The following MINK1 variants were observed in gnomAD, a reference collection of about 807,000 sequenced individuals.
MINK1 encodes misshapen-like kinase 1.
MINK1 carries 46 observed loss-of-function variants against 178.4 expected under a neutral mutation model. That is an observed-to-expected ratio of 0.26 (90% confidence interval 0.20 to 0.33). MINK1 has a LOEUF of 0.33. Ranked by LOEUF, MINK1 falls within the 10% of genes least tolerant of loss-of-function variation. MINK1 has a pLI of 1.00. For synonymous variants in MINK1, 797 were observed against 709.7 expected (o/e 1.12, Z -1.96); for missense variants, 1,366 against 1,814.9 (o/e 0.75, Z 4.49).
rs1313971202 is a variant in MINK1, at chr17:4,885,089, G to A, written c.508+87G>A. 3 of 1,250,780 alleles carry A rather than the reference G, an allele frequency of 2.4e-6. No individual in the cohort carries two copies. The highest frequency in any genetic ancestry group is 3.4e-6 in the Non-Finnish European group (3 of 873,020). 77.5% of individuals were successfully genotyped at this position (1,250,780 alleles called of 1,614,324 possible). A position where few individuals can be genotyped will look rare whatever the true frequency, so the allele number is the denominator to read the frequency against. On this transcript the variant is annotated intron_variant, in intron 6 of 31. Transcript: ENST00000355280. The surrounding 1 kb of genome is among the most constrained non-coding windows in gnomAD (Gnocchi z 5.0). Reference sequence around the variant, plus strand: ...CCCCTTTTTCTCTCTGGTGGCTCAGGCCCAACTCCCTTCCTACTGGGGAGG... The same window carrying A: ...CCCCTTTTTCTCTCTGGTGGCTCAGACCCAACTCCCTTCCTACTGGGGAGG...
At chr17:4,890,813 C>A in intron 14 of MINK1, 78 bp downstream of exon 14, 1 of 1,518,696 alleles carries the variant, frequency 6.6e-7, no homozygotes, top group South Asian at 1.2e-5. Flanking sequence ...AGTAGTAGTT[C>A]ACAGTAGCAG....
At chr17:4,883,566 C>CT (rs1402451452) in intron 4 of MINK1, among the ~76,000 whole-genome samples, 6 of 152,060 alleles carry the variant, frequency 3.9e-5, no homozygotes, top group Middle Eastern at 3.4e-3. Flanking sequence ...GAGTCTCACT[C>CT]TGTCACCCAG....
At position 4,895,511 on chromosome 17, in the gene MINK1, G is replaced by A. The variant is rs376247041; in HGVS notation, c.3229+18G>A. 765 of 1,559,390 alleles carry A rather than the reference G, an allele frequency of 4.9e-4. No individual in the cohort carries two copies. The highest frequency in any genetic ancestry group is 6.2e-4 in the Non-Finnish European group (709 of 1,148,870). On this transcript the variant is annotated intron_variant, in intron 26 of 31. Transcript: ENST00000355280. This position sits in a 1 kb window ranked among gnomAD's most constrained non-coding sequence, Gnocchi z 4.3. Reference sequence around the variant, plus strand: ...CATCTCAGGTACAGGTGTGGTGAGTGGGGGAGGGAGGAGGGGCTCAGCTCC... The same window carrying A: ...CATCTCAGGTACAGGTGTGGTGAGTAGGGGAGGGAGGAGGGGCTCAGCTCC...
At chr17:4,874,212 A>G (rs1163473680) in intron 1 of MINK1, among the ~76,000 whole-genome samples, 1 of 152,230 alleles carries the variant, frequency 6.6e-6, no homozygotes, top group Non-Finnish European at 1.5e-5. Context: ...TTTTGTGTCT[A>G]ATTCGGGAGT....
In MINK1 at chr17:4,892,784, C is replaced by T; in HGVS notation, c.2311+16C>T. 1 of 1,584,012 alleles carries T rather than the reference C, an allele frequency of 6.3e-7. No homozygotes were observed. Among genetic ancestry groups the T allele is most frequent in the Non-Finnish European group, 8.6e-7 (1 of 1,163,852 alleles). On this transcript the variant is annotated intron_variant, in intron 19 of 31. Transcript: ENST00000355280. ...CGCGTGGGAGGTATGTGAGCCAGGG[C>T]TGGGCAGCCTGCTCTGGGCCTGGGG... is the stretch of plus-strand genomic sequence containing the variant.
At chr17:4,852,685 C>T (rs140087846) in intron 1 of MINK1, among the ~76,000 whole-genome samples, 1 of 135,490 alleles carries the variant, frequency 7.4e-6, no homozygotes, top group African/African-American at 2.8e-5. Context: ...TTCAGCTGTA[C>T]AGCAGTCATA....
chr17:4,844,627 C>A lies in MINK1; in HGVS notation c.57+10987C>A, dbSNP rs748348963. ...CACTGGGGAGCACATGTTGGGAATACAGAGCTCCACGGGGCTCGTACCCAG... is the reference window on the plus strand; with the variant it reads ...CACTGGGGAGCACATGTTGGGAATAAAGAGCTCCACGGGGCTCGTACCCAG... On this transcript the variant is annotated intron_variant, in intron 1 of 31. Transcript: ENST00000355280. 3.5e-5 allele frequency: 17 copies of A among 490,954 alleles called. No homozygotes were observed. In the Admixed American group the frequency reaches 3.5e-4, roughly 10 times the overall value. 30.4% of individuals were successfully genotyped at this position (490,954 alleles called of 1,614,324 possible).
chr17:4,854,676 C>A, intron 1 of MINK1: 1 of 441,832 alleles, frequency 2.3e-6, no homozygotes. Context: ...GTTTCTTCGC[C>A]TTCCTTCTAC....
chr17:4,868,746 C>CT (rs549753704), intron 1 of MINK1: 72 of 210,476 alleles, frequency 3.4e-4, no homozygotes, highest in East Asian at 2.9e-3. Context: ...GATTTCTTCT[C>CT]TTTTTTTTCT....
At chr17:4,881,303 C>T in intron 4 of MINK1, 46 bp downstream of exon 4, 1 of 1,528,210 alleles carries the variant, frequency 6.5e-7, no homozygotes, top group Non-Finnish European at 8.8e-7. Flanking sequence ...CAATCCCTGT[C>T]TCCGGGCTGT....
intron 16 of MINK1, 122 bp from the exon 17 acceptor site, chr17:4,892,027 C>T: frequency 3.5e-6 from 3 of 858,838 alleles, no homozygotes; most frequent in East Asian, 2.6e-5. Context: ...TCACTAACTC[C>T]CCTGAACCTC....
At position 4,894,458 on chromosome 17, in the gene MINK1, C is replaced by A. The variant is rs985571815; in HGVS notation, c.2809-67C>A. 3 of 1,516,270 alleles carry A rather than the reference C, an allele frequency of 2.0e-6. No homozygotes were observed. The East Asian group carries it at 7.3e-5, about 37-fold the overall frequency. 93.9% of individuals were successfully genotyped at this position (1,516,270 alleles called of 1,614,324 possible). A position where few individuals can be genotyped will look rare whatever the true frequency, so the allele number is the denominator to read the frequency against. Reference sequence around the variant, plus strand: ...AGTTGGGGAGCTGGAGCCTGGGGAACAGCAGCAGGGGCAGGGCCGCAGCTG... The same window carrying A: ...AGTTGGGGAGCTGGAGCCTGGGGAAAAGCAGCAGGGGCAGGGCCGCAGCTG... On this transcript the variant is annotated intron_variant, in intron 23 of 31. Transcript: ENST00000355280. This position sits in a 1 kb window ranked among gnomAD's most constrained non-coding sequence, Gnocchi z 4.1.
chr17:4,845,518 A>G (rs1329282417), intron 1 of MINK1, among the ~76,000 whole-genome samples: 3 of 152,136 alleles, frequency 2.0e-5, no homozygotes, highest in Non-Finnish European at 1.5e-5. Flanking sequence ...ACATGTGTTA[A>G]AGGGCGGTCA....
At position 4,869,765 on chromosome 17, in the gene MINK1, T is replaced by A. The variant is rs188580188; in HGVS notation, c.58-8552T>A. 3.2e-3 allele frequency among the ~76,000 whole-genome samples: 475 copies of A among 150,320 alleles called. 6 individuals carry two copies. The highest frequency in any genetic ancestry group is 9.9e-3 in the African/African-American group (410 of 41,362). On this transcript the variant is annotated intron_variant, in intron 1 of 31. Transcript: ENST00000355280. ...GCAGCATCTCTTTTTTTTTTTGTCT[T>A]TTTAAAATTATTTTATTTTTATTTA...
At chr17:4,853,366 G>T (rs1377640780) in intron 1 of MINK1, among the ~76,000 whole-genome samples, 1 of 97,466 alleles carries the variant, frequency 1.0e-5, no homozygotes, top group African/African-American at 4.1e-5. Context: ...GTGTGGTTGG[G>T]GGGAGTGTGG....
Position 4,891,557 on chromosome 17 carries a change from A to G in MINK1, c.1842A>G (p.Pro614=), listed in dbSNP as rs1968817664. ...CCACCCGAAACCTGGCTGCCTTCCC[A>G]GCCTCCCATGACCCCGACCCTGCCA... ...DQPTRNLAAF[P]ASHDPDPAIP... The change falls in exon 16 of 32, where the codon CCA becomes CCG. Residue 614 remains proline (P), a synonymous_variant. Transcript: ENST00000355280. 1 of 1,608,328 alleles carries G rather than the reference A, an allele frequency of 6.2e-7. No individual in the cohort carries two copies. Among genetic ancestry groups the G allele is most frequent in the Non-Finnish European group, 8.5e-7 (1 of 1,177,822 alleles).
chr17:4,859,469 C>A, intron 1 of MINK1: 1 of 276,138 alleles, frequency 3.6e-6, no homozygotes, highest in Non-Finnish European at 5.5e-6. Flanking sequence ...GAAGGTAGAG[C>A]CAGGGGCACT....
chr17:4,853,932 C>T (rs1249545151), intron 1 of MINK1, among the ~76,000 whole-genome samples: 17 of 152,100 alleles, frequency 1.1e-4, no homozygotes, highest in Non-Finnish European at 2.2e-4. Flanking sequence ...GCTAGAATGA[C>T]CTCCAACTAT....
chr17:4,875,746 G>A lies in MINK1; in HGVS notation c.58-2571G>A, dbSNP rs567351981. 2.6e-5 allele frequency among the ~76,000 whole-genome samples: 4 copies of A among 151,946 alleles called. No individual in the cohort carries two copies. In the South Asian group the frequency reaches 6.2e-4, roughly 24 times the overall value. ...AAGATCGTGCCATTGCACTCCAGCT[G>A]GGCAACAAGAGAAAAATTCCATTTC... is the stretch of plus-strand genomic sequence containing the variant. On this transcript the variant is annotated intron_variant, in intron 1 of 31. Coordinates refer to ENST00000355280, the MANE Select transcript of MINK1 (RefSeq NM_153827.5).
Sources: allele counts gnomAD v4.1 joint callset (sites outside exome capture counted in the v4.1 genomes callset), GRCh38; gene constraint gnomAD v4.1.1; non-coding constraint Gnocchi (gnomAD v3.1); transcripts MANE v1.5; gene names NCBI Gene and HGNC (gene_info 2026-07-23, HGNC 2026-07-21).